The following ANKRD44 variants were observed in gnomAD, a reference collection of about 807,000 sequenced individuals.
ANKRD44 encodes the protein ankyrin repeat domain 44.
A neutral mutation model predicts 116.0 loss-of-function variants in ANKRD44; 35 were observed. The observed-to-expected ratio is 0.30, with a 90% CI of 0.23 to 0.40. ANKRD44 has a LOEUF of 0.40. ANKRD44 is among the 10% of genes least tolerant of loss of function. The pLI is 1.00. For missense variants in ANKRD44, 1,014 were observed against 1,242.6 expected (o/e 0.82, Z 2.77); for synonymous variants, 435 against 461.8 (o/e 0.94, Z 0.74).
At chr2:197,244,431 T>C (rs1275156757) in intron 1 of ANKRD44, among the ~76,000 whole-genome samples, 1 of 152,208 alleles carries the variant, frequency 6.6e-6, no homozygotes, top group African/African-American at 2.4e-5. Context: ...GCAGTATTTT[T>C]TGTTTACCTT....
chr2:197,047,223 T>A (rs2077018761), intron 16 of ANKRD44, among the ~76,000 whole-genome samples: 1 of 152,154 alleles, frequency 6.6e-6, no homozygotes, highest in African/African-American at 2.4e-5. Flanking sequence ...TTTCTCAATG[T>A]TGGCCAGACT....
intron 1 of ANKRD44, among the ~76,000 whole-genome samples, chr2:197,296,783 G>A (rs545894401): frequency 1.2e-3 from 184 of 152,124 alleles, no homozygotes; most frequent in Non-Finnish European, 2.2e-3. Context: ...TCTTTAAGTA[G>A]CATTCTATAG....
At chr2:196,979,220 C>A (rs868868927) in intron 21 of ANKRD44, among the ~76,000 whole-genome samples, 1 of 151,742 alleles carries the variant, frequency 6.6e-6, no homozygotes, top group Non-Finnish European at 1.5e-5. Context: ...CACGGTGAAA[C>A]CCCGTCTCTA....
chr2:197,186,612 CTTTTTTTTTTTTT>C (rs149107038), intron 2 of ANKRD44, among the ~76,000 whole-genome samples: 147 of 50,810 alleles, frequency 2.9e-3, no homozygotes, highest in East Asian at 0.019. Flanking sequence ...GCTAATTTTT[CTTTTTTTTTTTTT>C]TTTTTTTTTT....
intron 1 of ANKRD44, among the ~76,000 whole-genome samples, chr2:197,279,997 T>C (rs1364952917): frequency 6.6e-6 from 1 of 152,198 alleles, no homozygotes; most frequent in Admixed American, 6.5e-5. Context: ...AATTTCGTCC[T>C]CCCTAGTATT....
rs139477234 is a variant in ANKRD44, at chr2:197,020,488, T to C, written c.1722+4708A>G. ...AACACATAAAATACACTAACACTAA[T>C]GATAGCCGATGAGCTTAAATAAAAA... On this transcript the variant is annotated intron_variant, in intron 17 of 27. Transcript: ENST00000282272. 4.9e-4 allele frequency among the ~76,000 whole-genome samples: 75 copies of C among 152,240 alleles called. 1 individual carries two copies. In the East Asian group the frequency reaches 0.014, roughly 29 times the overall value.
intron 1 of ANKRD44, among the ~76,000 whole-genome samples, chr2:197,255,970 T>C (rs1007985595): frequency 6.6e-6 from 1 of 152,258 alleles, no homozygotes; most frequent in Non-Finnish European, 1.5e-5. Context: ...AATCTTAATC[T>C]ATCTGGTCTA....
Position 196,998,396 on chromosome 2 carries a change from C to T in ANKRD44, c.2689G>A (p.Ala897Thr), listed in dbSNP as rs1351119056. 2 of 1,613,766 alleles carry T rather than the reference C, an allele frequency of 1.2e-6. No homozygotes were observed. Among genetic ancestry groups the T allele is most frequent in the East Asian group, 4.5e-5 (2 of 44,836 alleles). ...TCCTTATCCTTTACAGTCAGATCAG[C>T]CTGGGCACTGTTCACCAAAATATCT... ...AVDILVNSAQ[A>T]DLTVKDKDLN... The change falls in exon 25 of 28, where the codon GCT becomes ACT. Residue 897 changes from alanine (A) to threonine (T), a missense_variant. By Grantham distance (58) the Ala-to-Thr change is moderately conservative. Coordinates refer to ENST00000282272, the MANE Select transcript of ANKRD44 (RefSeq NM_001195144.2).
intron 1 of ANKRD44, among the ~76,000 whole-genome samples, chr2:197,259,899 T>G (rs1476938833): frequency 6.6e-6 from 1 of 152,016 alleles, no homozygotes; most frequent in Non-Finnish European, 1.5e-5. Context: ...GGGATTCCCA[T>G]GAGTGTGACT....
chr2:197,116,317 C>T (rs1244894134), intron 8 of ANKRD44, among the ~76,000 whole-genome samples: 2 of 152,160 alleles, frequency 1.3e-5, no homozygotes, highest in Admixed American at 6.5e-5. Context: ...GTAAAGAGAG[C>T]GCCTTTATTA....
At chr2:197,045,936 C>G (rs1371439273) in intron 16 of ANKRD44, among the ~76,000 whole-genome samples, 1 of 152,086 alleles carries the variant, frequency 6.6e-6, no homozygotes, top group East Asian at 1.9e-4. Context: ...TGGCCCATAA[C>G]CCATAATGGC....
At chr2:197,016,203 T>G (rs548149497) in intron 17 of ANKRD44, among the ~76,000 whole-genome samples, 1 of 152,318 alleles carries the variant, frequency 6.6e-6, no homozygotes, top group South Asian at 2.1e-4. Flanking sequence ...TGCAGGACTG[T>G]CACAGCCACC....
At chr2:197,088,971 T>G in intron 11 of ANKRD44, 197 bp from the exon 12 acceptor site, 1 of 448,288 alleles carries the variant, frequency 2.2e-6, no homozygotes. Flanking sequence ...GGAAGAACCG[T>G]GAAGTCAAGA....
At chr2:197,277,729 A>G (rs527502035) in intron 1 of ANKRD44, among the ~76,000 whole-genome samples, 1 of 152,282 alleles carries the variant, frequency 6.6e-6, no homozygotes, top group South Asian at 2.1e-4. Flanking sequence ...AGAGGTCCCA[A>G]GGAGTTTCAA....
intron 6 of ANKRD44, among the ~76,000 whole-genome samples, chr2:197,125,175 T>C (rs1443778347): frequency 1.3e-5 from 2 of 152,262 alleles, no homozygotes; most frequent in African/African-American, 4.8e-5. Flanking sequence ...CCTCCTCTTC[T>C]TTGTAGGATA....
chr2:197,197,612 A>G (rs754804734), intron 1 of ANKRD44, among the ~76,000 whole-genome samples: 2 of 152,058 alleles, frequency 1.3e-5, no homozygotes, highest in Non-Finnish European at 2.9e-5. Flanking sequence ...GGAGTTCCAG[A>G]CCAGCCTAGA....
At chr2:197,174,171 A>T (rs2080308802) in intron 2 of ANKRD44, among the ~76,000 whole-genome samples, 1 of 152,178 alleles carries the variant, frequency 6.6e-6, no homozygotes, top group South Asian at 2.1e-4. Flanking sequence ...AAGTTTTTAA[A>T]TTTTTTTAAT....
chr2:197,301,925 G>A (rs532440817), intron 1 of ANKRD44, among the ~76,000 whole-genome samples: 1 of 152,220 alleles, frequency 6.6e-6, no homozygotes, highest in Non-Finnish European at 1.5e-5. Context: ...AATAAAGAAA[G>A]GCAGACAGGA....
At chr2:197,285,751 A>C (rs892065862) in intron 1 of ANKRD44, among the ~76,000 whole-genome samples, 3 of 152,236 alleles carry the variant, frequency 2.0e-5, no homozygotes, top group African/African-American at 7.2e-5. Flanking sequence ...AAAAGGAAAG[A>C]AAACATAAAA....
Sources: allele counts gnomAD v4.1 joint callset (sites outside exome capture counted in the v4.1 genomes callset), GRCh38; gene constraint gnomAD v4.1.1; transcripts MANE v1.5; gene names NCBI Gene and HGNC (gene_info 2026-07-23, HGNC 2026-07-21).